ARPP21: variants seen among roughly 807,000 people sequenced by gnomAD.
ARPP21 encodes the protein cAMP regulated phosphoprotein 21.
In ARPP21, 69 loss-of-function variants were observed where a neutral mutation model predicts 113.2. That is an observed-to-expected ratio of 0.61 (90% CI 0.50 to 0.74). The LOEUF is 0.74. ARPP21 is among the 30% of genes least tolerant of loss of function. ARPP21 has a pLI of 0.00. For missense variants in ARPP21, 1,070 were observed against 1,037.4 expected (o/e 1.03, Z -0.43); for synonymous variants, 368 against 375.5 (o/e 0.98, Z 0.23).
chr3:35,778,493 G>A (rs1312727334), intron 19 of ARPP21, among the ~76,000 whole-genome samples: 1 of 152,170 alleles, frequency 6.6e-6, no homozygotes, highest in African/African-American at 2.4e-5. Flanking sequence ...CTCAGCTCTT[G>A]CTAACTGCTC....
At position 35,683,811 on chromosome 3, in the gene ARPP21, A is replaced by G. The variant is rs1226483242; in HGVS notation, c.257A>G (p.Asp86Gly). The change falls in exon 5 of 21, where the codon GAT (aspartate) becomes GGT (glycine). Residue 86 changes from aspartate (D) to glycine (G), a missense_variant. Physicochemically the swap from Asp to Gly is moderately conservative, Grantham distance 94. Transcript: ENST00000684406. ...AGACCAGGAGGTGAAAGTCTTCAGG[A>G]TCAGGTATATCCCCTTGCCATTATC... Reference protein sequence around the residue: ...SARPGGESLQDQESIHLQLSS... With the variant: ...SARPGGESLQGQESIHLQLSS... 4 of 1,402,840 alleles carry G rather than the reference A, an allele frequency of 2.9e-6. No homozygotes were observed. The Admixed American group carries it at 6.7e-5, about 24-fold the overall frequency. The allele number at this position is 1,402,840 out of a possible 1,614,324, so 86.9% of individuals were successfully genotyped here.
intron 19 of ARPP21, among the ~76,000 whole-genome samples, chr3:35,770,254 C>T (rs1204210425): frequency 6.6e-6 from 1 of 151,960 alleles, no homozygotes; most frequent in Admixed American, 6.6e-5. Flanking sequence ...GTCTAAAATT[C>T]CTCCTTTTAT....
At chr3:35,753,478 C>T (rs973163973) in intron 19 of ARPP21, among the ~76,000 whole-genome samples, 3 of 151,888 alleles carry the variant, frequency 2.0e-5, no homozygotes, top group Non-Finnish European at 4.4e-5. Flanking sequence ...TTCAGTTGTT[C>T]GGATGGCAGA....
chr3:35,790,216 C>G (rs1321892921), intron 19 of ARPP21, among the ~76,000 whole-genome samples: 2 of 152,150 alleles, frequency 1.3e-5, no homozygotes, highest in African/African-American at 2.4e-5. Context: ...CAATCTTCAG[C>G]CAGAAGTAAG....
At chr3:35,682,213 T>C (rs1053537114) in intron 3 of ARPP21, among the ~76,000 whole-genome samples, 4 of 151,844 alleles carry the variant, frequency 2.6e-5, no homozygotes, top group Non-Finnish European at 4.4e-5. Context: ...AAAATGAATT[T>C]GCTATTCTGT....
intron 1 of ARPP21, among the ~76,000 whole-genome samples, chr3:35,668,002 GAAGAAGAAGAAGAA>G (rs2075202817): frequency 2.0e-5 from 3 of 150,058 alleles, no homozygotes; most frequent in Admixed American, 6.6e-5. Flanking sequence ...AGAAGAAGAA[GAAGAAGAAGAAGAA>G]GAAGAAGAAG....
chr3:35,685,951 T>C (rs1337112598), intron 5 of ARPP21: 3 of 322,592 alleles, frequency 9.3e-6, no homozygotes, highest in Non-Finnish European at 1.3e-5. Context: ...AGATATTTTT[T>C]TTCCTGAGTA....
intron 19 of ARPP21, among the ~76,000 whole-genome samples, chr3:35,758,060 T>C (rs2095635638): frequency 6.6e-6 from 1 of 152,128 alleles, no homozygotes; most frequent in Admixed American, 6.6e-5. Context: ...TTAAAAATTC[T>C]ATTTATAATA....
chr3:35,745,150 C>A (rs1397049789), intron 19 of ARPP21, among the ~76,000 whole-genome samples: 1 of 152,146 alleles, frequency 6.6e-6, no homozygotes, highest in Non-Finnish European at 1.5e-5. Flanking sequence ...TGACTTTAGA[C>A]TTTTACAGTG....
At chr3:35,738,346 T>A in intron 17 of ARPP21, 28 bp downstream of exon 17, 4 of 1,487,294 alleles carry the variant, frequency 2.7e-6, no homozygotes, top group Non-Finnish European at 2.7e-6. Context: ...TATGACTTTT[T>A]CCCCTAGGAA....
chr3:35,664,144 A>G (rs1709083249), intron 1 of ARPP21, among the ~76,000 whole-genome samples: 1 of 152,196 alleles, frequency 6.6e-6, no homozygotes, highest in Non-Finnish European at 1.5e-5. Context: ...TTGAACACCT[A>G]AACTATTTTT....
rs190482942 is a variant in ARPP21 at position 35,722,527 on chromosome 3, T to G, written c.1225+693T>G. ...ATAAACTCTAGTTATTATTCATTTT[T>G]ATTACTGCCATTTAATGTTTGCACC... On this transcript the variant is annotated intron_variant, in intron 14 of 20. Coordinates refer to ENST00000684406, the MANE Select transcript of ARPP21 (RefSeq NM_001385562.1). 3.9e-4 allele frequency among the ~76,000 whole-genome samples: 60 copies of G among 152,330 alleles called. 1 individual carries two copies. The South Asian group carries it at 8.3e-3, about 21-fold the overall frequency.
At position 35,738,327 on chromosome 3, in the gene ARPP21, T is replaced by C. The variant is rs1294103736; in HGVS notation, c.1749+9T>C. ...CGCAGCACTTTCCCATGGTACTGTA[T>C]TATGTGTATATGACTTTTTCCCCTA... On this transcript the variant is annotated intron_variant, in intron 17 of 20. Transcript: ENST00000684406. The C allele has an allele frequency of 1.8e-5, 28 of 1,515,174 alleles. No individual in the cohort carries two copies. Among genetic ancestry groups the C allele is most frequent in the Admixed American group, 3.9e-5 (2 of 50,892 alleles). 93.9% of individuals were successfully genotyped at this position (1,515,174 alleles called of 1,614,324 possible). A position where few individuals can be genotyped will look rare whatever the true frequency, so the allele number is the denominator to read the frequency against.
chr3:35,725,329 C>T (rs184903056), intron 14 of ARPP21, among the ~76,000 whole-genome samples: 11 of 152,262 alleles, frequency 7.2e-5, no homozygotes, highest in African/African-American at 2.6e-4. Flanking sequence ...AGATTTACAT[C>T]TCAAAGGAGC....
At chr3:35,771,586 C>T (rs918977355) in intron 19 of ARPP21, among the ~76,000 whole-genome samples, 2 of 152,152 alleles carry the variant, frequency 1.3e-5, no homozygotes, top group Non-Finnish European at 2.9e-5. Context: ...GCCGTGGCCT[C>T]CCAAAGTGCT....
At chr3:35,766,277 A>C (rs2095973182) in intron 19 of ARPP21, among the ~76,000 whole-genome samples, 1 of 152,142 alleles carries the variant, frequency 6.6e-6, no homozygotes, top group Non-Finnish European at 1.5e-5. Context: ...TAATTTGTAA[A>C]TCTTCACAAG....
At chr3:35,651,068 C>T (rs957284402) in intron 1 of ARPP21, among the ~76,000 whole-genome samples, 1 of 151,894 alleles carries the variant, frequency 6.6e-6, no homozygotes, top group Non-Finnish European at 1.5e-5. Flanking sequence ...ATCTGTTAAT[C>T]CTTAATAAAT....
chr3:35,682,798 G>T (rs202211372), intron 3 of ARPP21, 50 bp from the exon 4 acceptor site: 2 of 1,537,704 alleles, frequency 1.3e-6, no homozygotes. Context: ...TTTACTGTTC[G>T]TTTTTGTTTG....
intron 19 of ARPP21, among the ~76,000 whole-genome samples, chr3:35,786,161 C>T (rs1276007514): frequency 1.3e-5 from 2 of 151,940 alleles, no homozygotes; most frequent in Admixed American, 6.6e-5. Flanking sequence ...ATATTTTAAC[C>T]GTATCTTAAT....
Sources: gnomAD v4.1 joint callset for allele counts (sites outside exome capture counted in the v4.1 genomes callset) on GRCh38, gnomAD v4.1.1 for gene constraint, MANE v1.5 for transcripts, NCBI Gene and HGNC (gene_info 2026-07-23, HGNC 2026-07-21) for gene names.